The following UPF2 variants were observed in gnomAD, a reference collection of about 807,000 sequenced individuals.
The protein encoded by UPF2 is UPF2 regulator of nonsense mediated mRNA decay, also known as regulator of nonsense transcripts 2.
A neutral mutation model predicts 141.4 loss-of-function variants in UPF2; 17 were observed. That is an observed-to-expected ratio of 0.12 (90% CI 0.08 to 0.18). The LOEUF (loss-of-function observed/expected upper bound fraction) is 0.18. Ranked by LOEUF, UPF2 falls within the 10% of genes least tolerant of loss-of-function variation. UPF2 has a pLI of 1.00. For synonymous variants in UPF2, 540 were observed against 498.0 expected, an observed-to-expected ratio of 1.08 and a Z score of -1.12; for missense variants, 1,152 against 1,515.9, an observed-to-expected ratio of 0.76 and a Z score of 3.99.
intron 10 of UPF2, 126 bp from the exon 11 acceptor site, chr10:11,964,251 G>A: frequency 1.9e-6 from 1 of 526,728 alleles, no homozygotes; most frequent in Non-Finnish European, 3.2e-6. Flanking sequence ...GTCTACTTGG[G>A]TTCACTGCTG....
chr10:11,981,690 T>C (rs1030647004), intron 8 of UPF2, among the ~76,000 whole-genome samples: 1 of 152,196 alleles, frequency 6.6e-6, no homozygotes. Context: ...GGTACTCTTT[T>C]TTTTTTCTGA....
chr10:11,971,345 C>T (rs2131214344), intron 9 of UPF2, among the ~76,000 whole-genome samples: 1 of 152,084 alleles, frequency 6.6e-6, no homozygotes, highest in East Asian at 1.9e-4. Context: ...ACCTCCGCCT[C>T]CCGGGTTCAA....
At chr10:11,932,938 T>C (rs1832800485) in intron 19 of UPF2, among the ~76,000 whole-genome samples, 1 of 152,240 alleles carries the variant, frequency 6.6e-6, no homozygotes. Context: ...TACTATGTTA[T>C]GCATTTGTTT....
At position 11,920,214 on chromosome 10, in the gene UPF2, G is replaced by A. The variant is rs1017717808; in HGVS notation, c.*1084C>T. The A allele has an allele frequency of 6.6e-6, 1 of 152,080 alleles. No homozygotes were observed. The highest frequency in any genetic ancestry group is 1.5e-5 in the Non-Finnish European group (1 of 68,012). The allele number at this position is 152,080 out of a possible 1,614,324, so 9.4% of individuals were successfully genotyped here. A position where few individuals can be genotyped will look rare whatever the true frequency, so the allele number is the denominator to read the frequency against. ...GAAAAAAAGATGTAATCAAGTTGTC[G>A]CATACAGATGTGCTCTCCGACTAAA... On this transcript the variant is annotated 3_prime_UTR_variant, in exon 22 of 22. Coordinates refer to ENST00000357604, the MANE Select transcript of UPF2 (RefSeq NM_015542.4).
intron 19 of UPF2, among the ~76,000 whole-genome samples, chr10:11,932,169 G>C (rs1254017327): frequency 6.6e-6 from 1 of 151,552 alleles, no homozygotes; most frequent in Non-Finnish European, 1.5e-5. Context: ...AAAAAAGGTA[G>C]ATAGATAATT....
At chr10:11,950,122 T>G (rs893624230) in intron 15 of UPF2, among the ~76,000 whole-genome samples, 1 of 152,204 alleles carries the variant, frequency 6.6e-6, no homozygotes, top group African/African-American at 2.4e-5. Flanking sequence ...TCTTTCTGTA[T>G]GGAATATTGG....
chr10:11,971,130 G>C (rs1039384061), intron 9 of UPF2, among the ~76,000 whole-genome samples: 1 of 152,214 alleles, frequency 6.6e-6, no homozygotes, highest in African/African-American at 2.4e-5. Context: ...TAAATGAAGT[G>C]TTATAAATCA....
At position 11,936,627 on chromosome 10, in the gene UPF2, G is replaced by T. The variant is rs759188143; in HGVS notation, c.3464C>A (p.Pro1155Gln). ...AGCCTCTCCTTCCCCACCTCCCAGT[G>T]GGGGCCCTTTCCTCAGCTGGCTTTT... ...HLKSQLRKGP[P>Q]LGGGEGEAES... is the part of the protein sequence containing the mutation. Residue 1155 changes from proline to glutamine, a missense_variant, in exon 19 of 22, where the codon CCA becomes CAA. By Grantham distance (76) the Pro-to-Gln change is moderately conservative (BLOSUM62 -1). This residue lies in a region of UPF2 where 202 missense variants were observed against 223.6 expected (regional missense o/e 0.90). Transcript: ENST00000357604. The surrounding 1 kb of genome is among the most constrained non-coding windows in gnomAD (Gnocchi z 6.6). 10 of 1,613,324 alleles carry T rather than the reference G, an allele frequency of 6.2e-6. No individual in the cohort carries two copies. Among genetic ancestry groups the T allele is most frequent in the Middle Eastern group, 1.6e-4 (1 of 6,084 alleles).
intron 3 of UPF2, among the ~76,000 whole-genome samples, chr10:12,023,068 GC>G (rs1169920337): frequency 1.3e-5 from 2 of 152,076 alleles, no homozygotes; most frequent in African/African-American, 4.8e-5. Flanking sequence ...AAGAATTCTA[GC>G]CTACTACCTG....
At chr10:11,924,980 G>A (rs1438990664) in intron 21 of UPF2, among the ~76,000 whole-genome samples, 3 of 151,960 alleles carry the variant, frequency 2.0e-5, no homozygotes, top group Non-Finnish European at 2.9e-5. Context: ...CACCATGACC[G>A]GCTAATTTTT....
At chr10:11,925,362 A>T (rs983845712) in intron 21 of UPF2, among the ~76,000 whole-genome samples, 2 of 152,246 alleles carry the variant, frequency 1.3e-5, no homozygotes, top group Non-Finnish European at 2.9e-5. Flanking sequence ...GCTAGCTCAA[A>T]AGCTAGGACT....
chr10:12,012,363 T>A (rs970371184), intron 4 of UPF2, among the ~76,000 whole-genome samples: 1 of 152,130 alleles, frequency 6.6e-6, no homozygotes, highest in African/African-American at 2.4e-5. Flanking sequence ...CACCCAGCCA[T>A]ATGCTAAATA....
chr10:12,040,415 C>T (rs1399295684), intron 1 of UPF2, among the ~76,000 whole-genome samples: 4 of 152,066 alleles, frequency 2.6e-5, no homozygotes, highest in East Asian at 1.9e-4. Flanking sequence ...AGCCAGACTC[C>T]GTCTCAAGAA....
At chr10:11,974,274 T>C (rs1036043863) in intron 9 of UPF2, among the ~76,000 whole-genome samples, 1 of 152,214 alleles carries the variant, frequency 6.6e-6, no homozygotes, top group Non-Finnish European at 1.5e-5. Context: ...AAGGAGATTT[T>C]GGGCTGAGAC....
chr10:11,948,585 T>A (rs1236168397), intron 15 of UPF2, 77 bp from the exon 16 acceptor site: 1 of 1,439,492 alleles, frequency 6.9e-7, no homozygotes, highest in Non-Finnish European at 9.4e-7. Flanking sequence ...TACCAATTCA[T>A]GTAAAAGTAT....
chr10:12,030,585 G>A (rs1052978552), intron 2 of UPF2, among the ~76,000 whole-genome samples: 2 of 151,396 alleles, frequency 1.3e-5, no homozygotes, highest in African/African-American at 4.9e-5. Flanking sequence ...ATAAAAGAAT[G>A]CATTAAAAAT....
At chr10:12,008,333 G>T (rs935117880) in intron 4 of UPF2, among the ~76,000 whole-genome samples, 3 of 151,972 alleles carry the variant, frequency 2.0e-5, no homozygotes, top group Non-Finnish European at 4.4e-5. Flanking sequence ...AGAGTGTAAA[G>T]AAACAGTCAT....
chr10:11,960,783 AAAAAT>A (rs1162538319), intron 11 of UPF2, among the ~76,000 whole-genome samples: 1 of 151,782 alleles, frequency 6.6e-6, no homozygotes, highest in African/African-American at 2.4e-5. Context: ...AATAAAAAAA[AAAAAT>A]AAGAAAGAAA....
intron 9 of UPF2, among the ~76,000 whole-genome samples, chr10:11,972,852 G>A (rs540139009): frequency 2.8e-4 from 42 of 152,154 alleles, no homozygotes; most frequent in Admixed American, 5.9e-4. Flanking sequence ...ATACGTGTGC[G>A]TGTGTCTTTA....
Sources: allele counts gnomAD v4.1 joint callset (sites outside exome capture counted in the v4.1 genomes callset), GRCh38; gene constraint gnomAD v4.1.1; regional missense constraint gnomAD v4.1.1; non-coding constraint Gnocchi (gnomAD v3.1); transcripts MANE v1.5; gene names NCBI Gene and HGNC (gene_info 2026-07-23, HGNC 2026-07-21).